ECT2: variants seen among roughly 807,000 people sequenced by gnomAD.
The protein encoded by ECT2 is epithelial cell transforming 2.
Under a neutral mutation model 116.9 loss-of-function variants are expected in ECT2, and 61 were observed. The ratio of observed to expected loss-of-function variants is 0.52; its 90% CI spans 0.42 to 0.65. ECT2 has a LOEUF of 0.65. Among genes scored for constraint, ECT2 ranks in the 30% least tolerant of loss-of-function variants. The pLI, the probability that ECT2 is intolerant of heterozygous loss-of-function variation, is 0.00. For missense variants in ECT2, 937 were observed against 1,078.7 expected (o/e 0.87, Z 1.84); for synonymous variants, 358 against 346.4 (o/e 1.03, Z -0.37).
intron 15 of ECT2, among the ~76,000 whole-genome samples, chr3:172,783,283 T>C (rs1002452891): frequency 6.6e-6 from 1 of 152,152 alleles, no homozygotes; most frequent in Non-Finnish European, 1.5e-5. Flanking sequence ...AATAATCTCT[T>C]AGGTGTTTTT....
At position 172,820,312 on chromosome 3, in the gene ECT2, C is replaced by G; in HGVS notation, c.*75C>G. The G allele has an allele frequency of 1.0e-6, 1 of 1,003,456 alleles. No individual in the cohort carries two copies. Among genetic ancestry groups the G allele is most frequent in the Non-Finnish European group, 1.4e-6 (1 of 700,420 alleles). The allele number at this position is 1,003,456 out of a possible 1,614,324, so 62.2% of individuals were successfully genotyped here. A position where few individuals can be genotyped will look rare whatever the true frequency, so the allele number is the denominator to read the frequency against. On this transcript the variant is annotated 3_prime_UTR_variant, in exon 25 of 25. Coordinates refer to ENST00000392692, the MANE Select transcript of ECT2 (RefSeq NM_001258315.2). ...AAATAAGAAACTGACTTAAATGGTACTTGTAATTAGCACTTGGTGAAAGCT... is the reference window on the plus strand; with the variant it reads ...AAATAAGAAACTGACTTAAATGGTAGTTGTAATTAGCACTTGGTGAAAGCT...
chr3:172,811,326 A>T (rs1346602104), intron 22 of ECT2, among the ~76,000 whole-genome samples: 5 of 152,176 alleles, frequency 3.3e-5, no homozygotes, highest in South Asian at 2.1e-4. Context: ...TACCCTATCT[A>T]CCTTCCTCTG....
rs529825539 is a variant in ECT2 at position 172,794,164 on chromosome 3, T to G, written c.1907+7590T>G. Among the ~76,000 whole-genome samples the G allele has an allele frequency of 2.4e-3, 371 of 152,270 alleles. 2 individuals are homozygous for G. The highest frequency in any genetic ancestry group is 3.8e-3 in the Non-Finnish European group (259 of 68,022). ...TTTTATAGTTTTATCTAAGAAATAT[T>G]TGTCTAACCCAAGGTCACAAGGATT... On this transcript the variant is annotated intron_variant, in intron 18 of 24. Transcript: ENST00000392692.
chr3:172,817,464 A>G (rs991574622), intron 24 of ECT2, among the ~76,000 whole-genome samples: 4 of 152,090 alleles, frequency 2.6e-5, no homozygotes, highest in Admixed American at 2.6e-4. Flanking sequence ...GTAAATAGCT[A>G]TGATTCTGTT....
intron 14 of ECT2, among the ~76,000 whole-genome samples, chr3:172,775,630 G>GT (rs1008515041): frequency 6.7e-6 from 1 of 150,054 alleles, no homozygotes; most frequent in Non-Finnish European, 1.5e-5. Context: ...GGTTTTGTGG[G>GT]TTTTTTTCTT....
chr3:172,760,113 CA>C (rs1406214522), intron 6 of ECT2, 42 bp from the exon 7 acceptor site: 4 of 1,382,418 alleles, frequency 2.9e-6, no homozygotes, highest in Non-Finnish European at 4.0e-6. Context: ...AAATTTTGTT[CA>C]AATTAACCAT....
chr3:172,765,017 CAA>C (rs894108189), intron 12 of ECT2, among the ~76,000 whole-genome samples: 1 of 151,910 alleles, frequency 6.6e-6, no homozygotes, highest in Non-Finnish European at 1.5e-5. Flanking sequence ...ATTTAAGAAA[CAA>C]AAAAAATCAA....
At chr3:172,754,137 A>T (rs2108350828) in intron 1 of ECT2, among the ~76,000 whole-genome samples, 1 of 152,156 alleles carries the variant, frequency 6.6e-6, no homozygotes, top group East Asian at 1.9e-4. Flanking sequence ...TTTGGCTAGG[A>T]TTTTTGTGGG....
rs769364591 is a variant in ECT2, at chr3:172,807,876, A to G, written c.2352A>G (p.Leu784=). The G allele has an allele frequency of 9.3e-6, 15 of 1,613,990 alleles. No individual in the cohort carries two copies. The highest frequency in any genetic ancestry group is 2.7e-5 in the African/African-American group (2 of 75,054). Residue 784 remains leucine (L), a synonymous_variant, in exon 22 of 25, where the codon CTA becomes CTG. Transcript: ENST00000392692. ...TSDELPKENW[L]KMLCRHVANT... ...ATGAACTTCCAAAAGAAAACTGGCT[A>G]AAGATGCTGTGTCGACATGTAGCTA...
chr3:172,796,943 G>A (rs1725759535), intron 18 of ECT2, among the ~76,000 whole-genome samples: 2 of 151,950 alleles, frequency 1.3e-5, no homozygotes, highest in East Asian at 1.9e-4. Flanking sequence ...GGAGGCATGA[G>A]CCATCACGCC....
intron 20 of ECT2, among the ~76,000 whole-genome samples, chr3:172,804,556 TG>T (rs1409857111): frequency 6.6e-6 from 1 of 152,222 alleles, no homozygotes; most frequent in South Asian, 2.1e-4. Flanking sequence ...CGCATCATCA[TG>T]GGGTTTTACT....
chr3:172,777,510 T>C (rs1176927832), intron 14 of ECT2, among the ~76,000 whole-genome samples: 1 of 152,238 alleles, frequency 6.6e-6, no homozygotes, highest in Admixed American at 6.5e-5. Context: ...TTGAGTAAGA[T>C]GAAAATTTTT....
chr3:172,802,574 T>C, intron 18 of ECT2, 42 bp from the exon 19 acceptor site: 1 of 1,254,476 alleles, frequency 8.0e-7, no homozygotes, highest in South Asian at 1.4e-5. Context: ...GTTGTAGTTT[T>C]CATGTTCTAT....
At chr3:172,764,543 A>C (rs780864844) in intron 12 of ECT2, 43 bp downstream of exon 12, 1 of 1,530,054 alleles carries the variant, frequency 6.5e-7, no homozygotes, top group Non-Finnish European at 9.0e-7. Context: ...GTTTAGTGGA[A>C]TGGAATAATT....
Position 172,782,170 on chromosome 3 carries a change from T to A in ECT2, c.1556T>A (p.Leu519His). The change falls in exon 15 of 25, where the codon CTT (leucine) becomes CAT (histidine). Residue 519 changes from leucine (L) to histidine (H), a missense_variant. By Grantham distance (99) the Leu-to-His change is moderately conservative. Coordinates refer to ENST00000392692, the MANE Select transcript of ECT2 (RefSeq NM_001258315.2). ...FDVHTKIKDD[L>H]EDLIVNWDES... ...CAATTCGTGCTATTTCAGGATGATC[T>A]TGAAGACCTTATAGTTAATTGGGAT... 6.4e-7 allele frequency: 1 copy of A among 1,571,482 alleles called. No individual in the cohort carries two copies. Among genetic ancestry groups the A allele is most frequent in the Non-Finnish European group, 8.7e-7 (1 of 1,154,370 alleles).
chr3:172,766,186 T>C (rs1395600531), intron 12 of ECT2, among the ~76,000 whole-genome samples: 1 of 152,156 alleles, frequency 6.6e-6, no homozygotes, highest in Non-Finnish European at 1.5e-5. Context: ...GCCCAGAAAT[T>C]TGAAATGAAT....
intron 1 of ECT2, among the ~76,000 whole-genome samples, chr3:172,753,651 G>A (rs1388834973): frequency 6.6e-6 from 1 of 152,148 alleles, no homozygotes; most frequent in Non-Finnish European, 1.5e-5. Flanking sequence ...GTTGGATTGG[G>A]GGTTGGAAGA....
In ECT2 at chr3:172,762,808, C is replaced by G; in HGVS notation, c.1005+2C>G. ...AAACTTTATGTTGTCAAGCAAGAGG[C>G]AAGTAATTCTAGAATGAGGTTGGTT... On this transcript the variant is annotated splice_donor_variant, in intron 10 of 24. Transcript: ENST00000392692. LOFTEE classifies it high-confidence loss of function. The G allele has an allele frequency of 6.2e-7, 1 of 1,610,998 alleles. No homozygotes were observed. Among genetic ancestry groups the G allele is most frequent in the Non-Finnish European group, 8.5e-7 (1 of 1,178,728 alleles).
chr3:172,786,591 C>T lies in ECT2; in HGVS notation c.1907+17C>T. The stretch of plus-strand genomic sequence containing the variant: ...AGTAATGACGTAAGTGCATTATTTT[C>T]AATTTTTGATTGTGCCTTAGATTTC... On this transcript the variant is annotated intron_variant, in intron 18 of 24. Coordinates refer to ENST00000392692, the MANE Select transcript of ECT2 (RefSeq NM_001258315.2). 2 of 1,534,846 alleles carry T rather than the reference C, an allele frequency of 1.3e-6. No homozygotes were observed. Among genetic ancestry groups the T allele is most frequent in the Non-Finnish European group, 1.8e-6 (2 of 1,116,196 alleles).
Sources: gnomAD v4.1 joint callset for allele counts (sites outside exome capture counted in the v4.1 genomes callset) on GRCh38, gnomAD v4.1.1 for gene constraint, MANE v1.5 for transcripts, NCBI Gene and HGNC (gene_info 2026-07-23, HGNC 2026-07-21) for gene names.